Variants in MDGA2 observed in about 807,000 individuals in gnomAD.
The protein encoded by MDGA2 is MAM domain-containing glycosylphosphatidylinositol anchor protein 2.
A neutral mutation model predicts 117.8 loss-of-function variants in MDGA2; 40 were observed. That is an observed-to-expected ratio of 0.34 (90% CI 0.26 to 0.44). The LOEUF is 0.44. MDGA2 is among the 20% of genes least tolerant of loss of function. The probability of loss-of-function intolerance (pLI) is 1.00; values close to 1 mark genes in which losing one functional copy is unlikely to be tolerated. For missense variants in MDGA2, 1,123 were observed against 1,250.6 expected (o/e 0.90, Z 1.54); for synonymous variants, 452 against 439.0 (o/e 1.03, Z -0.37).
At chr14:47,653,598 G>A (rs1020671670) in intron 1 of MDGA2, among the ~76,000 whole-genome samples, 26 of 152,182 alleles carry the variant, frequency 1.7e-4, no homozygotes, top group East Asian at 1.4e-3. Context: ...CCTAATTCCC[G>A]GAAACTGTGA....
chr14:46,923,934 T>A (rs980320905), intron 9 of MDGA2, among the ~76,000 whole-genome samples: 2 of 152,056 alleles, frequency 1.3e-5, no homozygotes, highest in Non-Finnish European at 2.9e-5. Flanking sequence ...TCAGGCATTT[T>A]AATTCTTCCA....
chr14:47,470,318 A>G (rs572180562), intron 1 of MDGA2, among the ~76,000 whole-genome samples: 1 of 122,052 alleles, frequency 8.2e-6, no homozygotes, highest in South Asian at 2.5e-4. Context: ...CCTTATGTCC[A>G]TGTGTTCTCA....
At chr14:47,138,223 G>C (rs905065682) in intron 4 of MDGA2, among the ~76,000 whole-genome samples, 1 of 151,948 alleles carries the variant, frequency 6.6e-6, no homozygotes, top group Admixed American at 6.6e-5. Context: ...TTATTTTGTT[G>C]ATCATTTGAA....
chr14:46,965,457 T>C (rs937174492), intron 8 of MDGA2, among the ~76,000 whole-genome samples: 2 of 152,198 alleles, frequency 1.3e-5, no homozygotes, highest in Non-Finnish European at 2.9e-5. Context: ...AGAGTCTGAG[T>C]TGCAAAGCAT....
chr14:47,083,711 T>C (rs566325377), intron 6 of MDGA2, among the ~76,000 whole-genome samples: 1 of 152,130 alleles, frequency 6.6e-6, no homozygotes, highest in South Asian at 2.1e-4. Flanking sequence ...TATAATGATA[T>C]AGGTAGGTTA....
intron 8 of MDGA2, among the ~76,000 whole-genome samples, chr14:47,019,247 G>C (rs888170103): frequency 3.0e-4 from 45 of 152,132 alleles, no homozygotes; most frequent in African/African-American, 1.0e-3. Flanking sequence ...CCGATGTCTT[G>C]AGTATAATGT....
intron 1 of MDGA2, among the ~76,000 whole-genome samples, chr14:47,559,073 G>A (rs1365744831): frequency 6.6e-6 from 1 of 152,164 alleles, no homozygotes; most frequent in Non-Finnish European, 1.5e-5. Context: ...ATGAAAAGTT[G>A]AGATGAATTT....
chr14:47,443,637 C>G, intron 1 of MDGA2, among the ~76,000 whole-genome samples: 1 of 152,018 alleles, frequency 6.6e-6, no homozygotes, highest in East Asian at 1.9e-4. Flanking sequence ...AAAAGAATAT[C>G]AAATATGGTA....
chr14:47,645,650 T>C (rs991706410), intron 1 of MDGA2, among the ~76,000 whole-genome samples: 5 of 152,132 alleles, frequency 3.3e-5, no homozygotes, highest in Admixed American at 6.5e-5. Context: ...TTCATTATTA[T>C]ACATTTTTTT....
At chr14:47,409,388 C>A (rs1331540096) in intron 1 of MDGA2, among the ~76,000 whole-genome samples, 1 of 152,140 alleles carries the variant, frequency 6.6e-6, no homozygotes, top group Non-Finnish European at 1.5e-5. Context: ...TCCTAGGTAG[C>A]CACCATAGCA....
chr14:47,063,973 C>A (rs1889987252), intron 6 of MDGA2, among the ~76,000 whole-genome samples: 1 of 151,444 alleles, frequency 6.6e-6, no homozygotes, highest in Non-Finnish European at 1.5e-5. Flanking sequence ...ATCTTACCAG[C>A]CAAATTAGAT....
intron 1 of MDGA2, among the ~76,000 whole-genome samples, chr14:47,649,723 CAAA>C (rs1897603524): frequency 4.0e-5 from 6 of 151,068 alleles, no homozygotes; most frequent in African/African-American, 1.5e-4. Flanking sequence ...AAAAACCCCA[CAAA>C]TATATAGAGC....
At chr14:47,284,636 T>A (rs1888610167) in intron 2 of MDGA2, among the ~76,000 whole-genome samples, 3 of 152,204 alleles carry the variant, frequency 2.0e-5, no homozygotes, top group Admixed American at 2.0e-4. Context: ...GGATCATTTG[T>A]ACATGTGTCA....
intron 1 of MDGA2, among the ~76,000 whole-genome samples, chr14:47,498,231 A>AT (rs1277083460): frequency 1.3e-5 from 2 of 152,162 alleles, no homozygotes; most frequent in East Asian, 3.9e-4. Flanking sequence ...CAATATCCAG[A>AT]TACCAGAATC....
chr14:47,197,668 T>G (rs1172755960), intron 3 of MDGA2, among the ~76,000 whole-genome samples: 1 of 152,128 alleles, frequency 6.6e-6, no homozygotes, highest in Non-Finnish European at 1.5e-5. Flanking sequence ...CTCAGCACTT[T>G]GAGAGGCCAA....
rs1880591082 is a variant in MDGA2, at chr14:46,841,104, A to T, written c.*827T>A. ...GTTGAAAATTATTCAGGCTTGTTTC[A>T]TTGAAGGCACTTGGTTTCCATGGCA... On this transcript the variant is annotated 3_prime_UTR_variant, in exon 17 of 17. Transcript: ENST00000399232. The T allele has an allele frequency of 6.6e-6, 1 of 152,556 alleles. No individual in the cohort carries two copies. The highest frequency in any genetic ancestry group is 2.4e-5 in the African/African-American group (1 of 41,428). 9.5% of individuals were successfully genotyped at this position (152,556 alleles called of 1,614,324 possible).
At chr14:47,014,663 C>G (rs1888017624) in intron 8 of MDGA2, among the ~76,000 whole-genome samples, 1 of 152,174 alleles carries the variant, frequency 6.6e-6, no homozygotes, top group South Asian at 2.1e-4. Flanking sequence ...AGTTTCTTCA[C>G]CTCTCTCAGC....
chr14:46,952,173 A>C (rs1199021122), intron 9 of MDGA2, among the ~76,000 whole-genome samples: 2 of 151,906 alleles, frequency 1.3e-5, no homozygotes, highest in Non-Finnish European at 2.9e-5. Context: ...TTAAAATAAA[A>C]TCTATACCCA....
At chr14:47,233,350 A>T (rs574057350) in intron 2 of MDGA2, among the ~76,000 whole-genome samples, 9 of 152,268 alleles carry the variant, frequency 5.9e-5, no homozygotes, top group African/African-American at 1.7e-4. Flanking sequence ...CAAAACCGAT[A>T]TATTAAAATC....
Sources: allele counts gnomAD v4.1 joint callset (sites outside exome capture counted in the v4.1 genomes callset), GRCh38; gene constraint gnomAD v4.1.1; transcripts MANE v1.5; gene names NCBI Gene and HGNC (gene_info 2026-07-23, HGNC 2026-07-21).